The following ARHGAP15 variants were observed in gnomAD, a reference collection of about 807,000 sequenced individuals.
ARHGAP15 encodes the protein rho GTPase-activating protein 15.
ARHGAP15 carries 51 observed loss-of-function variants against 63.7 expected under a neutral mutation model. The observed-to-expected ratio is 0.80, with a 90% CI of 0.64 to 1.01. The LOEUF is 1.01. ARHGAP15 is among the 50% of genes least tolerant of loss of function. The pLI, the probability that ARHGAP15 is intolerant of heterozygous loss-of-function variation, is 0.00. For synonymous variants in ARHGAP15, 191 were observed against 193.8 expected (o/e 0.99, Z 0.12); for missense variants, 560 against 564.6 (o/e 0.99, Z 0.08).
intron 1 of ARHGAP15, among the ~76,000 whole-genome samples, chr2:143,155,066 A>G (rs1690023749): frequency 6.6e-6 from 1 of 151,890 alleles, no homozygotes; most frequent in Non-Finnish European, 1.5e-5. Flanking sequence ...GTTCACCAAG[A>G]ATGGGTGCTG....
chr2:143,167,158 A>C (rs1690575905), intron 2 of ARHGAP15, among the ~76,000 whole-genome samples: 1 of 152,146 alleles, frequency 6.6e-6, no homozygotes, highest in South Asian at 2.1e-4. Context: ...GATCTTTGCT[A>C]CTAGGGTCTG....
chr2:143,476,858 A>G (rs895857316), intron 8 of ARHGAP15, among the ~76,000 whole-genome samples: 1 of 152,208 alleles, frequency 6.6e-6, no homozygotes. Context: ...GATGTGTTAC[A>G]TGCGATGAGC....
intron 6 of ARHGAP15, among the ~76,000 whole-genome samples, chr2:143,318,876 C>T (rs1344449930): frequency 1.3e-5 from 2 of 152,054 alleles, no homozygotes; most frequent in Non-Finnish European, 2.9e-5. Flanking sequence ...GTTGAGTTTG[C>T]ACTAACTAAA....
At chr2:143,687,710 G>C (rs550364891) in intron 12 of ARHGAP15, among the ~76,000 whole-genome samples, 2 of 151,986 alleles carry the variant, frequency 1.3e-5, no homozygotes, top group Non-Finnish European at 1.5e-5. Context: ...TCTTTCTTTT[G>C]GCATAGACCA....
intron 8 of ARHGAP15, among the ~76,000 whole-genome samples, chr2:143,443,627 A>G (rs905488067): frequency 6.6e-6 from 1 of 152,212 alleles, no homozygotes; most frequent in Non-Finnish European, 1.5e-5. Context: ...GTTGAGAGTT[A>G]CTTATTTCAA....
intron 6 of ARHGAP15, among the ~76,000 whole-genome samples, chr2:143,365,661 G>A (rs529640850): frequency 1.3e-5 from 2 of 152,242 alleles, no homozygotes; most frequent in African/African-American, 2.4e-5. Flanking sequence ...AGAACTTCCC[G>A]AAATTGAATC....
At chr2:143,653,147 C>G (rs189248352) in intron 12 of ARHGAP15, among the ~76,000 whole-genome samples, 1 of 152,038 alleles carries the variant, frequency 6.6e-6, no homozygotes, top group East Asian at 1.9e-4. Flanking sequence ...TAAGGTTTCT[C>G]TTTTCTAGTC....
chr2:143,513,146 T>G (rs2104965237), intron 9 of ARHGAP15, among the ~76,000 whole-genome samples: 1 of 152,330 alleles, frequency 6.6e-6, no homozygotes, highest in Admixed American at 6.5e-5. Context: ...GCTTTGCTGG[T>G]AACTGGGGAA....
chr2:143,280,585 G>A (rs1049921397), intron 6 of ARHGAP15, among the ~76,000 whole-genome samples: 2 of 152,128 alleles, frequency 1.3e-5, no homozygotes, highest in African/African-American at 4.8e-5. Context: ...ATGAGAGAAG[G>A]CAGAAATGGT....
At chr2:143,153,806 C>T (rs1240071928) in intron 1 of ARHGAP15, among the ~76,000 whole-genome samples, 1 of 67,796 alleles carries the variant, frequency 1.5e-5, no homozygotes, top group South Asian at 7.6e-4. Flanking sequence ...TCTTCTTCTT[C>T]TTCTTCTTCT....
chr2:143,353,514 G>C (rs1277874615), intron 6 of ARHGAP15, among the ~76,000 whole-genome samples: 2 of 152,098 alleles, frequency 1.3e-5, no homozygotes, highest in African/African-American at 2.4e-5. Context: ...CATTGCTAAA[G>C]ATCTTTTTAT....
intron 10 of ARHGAP15, among the ~76,000 whole-genome samples, chr2:143,542,206 G>A (rs567758505): frequency 1.4e-4 from 21 of 152,294 alleles, no homozygotes; most frequent in South Asian, 1.0e-3. Flanking sequence ...CTGGTGTGTC[G>A]TTTGTTAAGC....
At chr2:143,759,186 A>T (rs1686677167) in intron 13 of ARHGAP15, among the ~76,000 whole-genome samples, 1 of 152,022 alleles carries the variant, frequency 6.6e-6, no homozygotes, top group African/African-American at 2.4e-5. Context: ...TCATAGGTGG[A>T]GGGGTGGGGC....
At chr2:143,421,826 G>A (rs532154729) in intron 6 of ARHGAP15, among the ~76,000 whole-genome samples, 15 of 149,022 alleles carry the variant, frequency 1.0e-4, no homozygotes, top group African/African-American at 3.5e-4. Context: ...ATTATACATT[G>A]AATAATAGAT....
chr2:143,136,691 G>T (rs189956756), intron 1 of ARHGAP15, among the ~76,000 whole-genome samples: 1 of 152,126 alleles, frequency 6.6e-6, no homozygotes, highest in Admixed American at 6.5e-5. Flanking sequence ...TATGGAAAGA[G>T]AAAATGTAAT....
intron 11 of ARHGAP15, among the ~76,000 whole-genome samples, chr2:143,617,106 C>T (rs900394114): frequency 8.5e-5 from 13 of 152,164 alleles, no homozygotes; most frequent in Admixed American, 7.2e-4. Context: ...TAGGTTAAGC[C>T]TGAATAGGCA....
chr2:143,248,099 T>C (rs1454333846), intron 5 of ARHGAP15, among the ~76,000 whole-genome samples: 1 of 152,170 alleles, frequency 6.6e-6, no homozygotes, highest in African/African-American at 2.4e-5. Context: ...ACAGTCAGCA[T>C]ATAAAAATAT....
chr2:143,735,140 T>G (rs1338676337), intron 13 of ARHGAP15, among the ~76,000 whole-genome samples: 1 of 152,238 alleles, frequency 6.6e-6, no homozygotes, highest in African/African-American at 2.4e-5. Flanking sequence ...AAACGTAATT[T>G]CTTTTTCTCT....
At chr2:143,310,093 C>T (rs1324425445) in intron 6 of ARHGAP15, among the ~76,000 whole-genome samples, 6 of 151,984 alleles carry the variant, frequency 3.9e-5, no homozygotes, top group Non-Finnish European at 8.8e-5. Context: ...TGAGCGTTTT[C>T]CAAAATCACA....
Sources: gnomAD v4.1 joint callset for allele counts (sites outside exome capture counted in the v4.1 genomes callset) on GRCh38, gnomAD v4.1.1 for gene constraint, MANE v1.5 for transcripts, NCBI Gene and HGNC (gene_info 2026-07-23, HGNC 2026-07-21) for gene names.